Variants in ADGRD1 observed in about 807,000 individuals in gnomAD.
The protein encoded by ADGRD1 is G-protein coupled receptor 133.
Under a neutral mutation model 113.4 loss-of-function variants are expected in ADGRD1, and 77 were observed. The ratio of observed to expected loss-of-function variants is 0.68; its 90% CI spans 0.57 to 0.82. The LOEUF (loss-of-function observed/expected upper bound fraction) is 0.82. Among genes scored for constraint, ADGRD1 ranks in the 40% least tolerant of loss-of-function variants. The pLI is 0.00. For missense variants in ADGRD1, 1,036 were observed against 1,139.1 expected, an observed-to-expected ratio of 0.91 and a Z score of 1.30; for synonymous variants, 474 against 475.0, an observed-to-expected ratio of 1.00 and a Z score of 0.03.
Position 131,117,801 on chromosome 12 carries a change from T to G in ADGRD1, c.2042-584T>G, listed in dbSNP as rs550814674. 1.6e-4 allele frequency among the ~76,000 whole-genome samples: 25 copies of G among 152,358 alleles called. 1 individual carries two copies. The South Asian group carries it at 5.2e-3, about 32-fold the overall frequency. ...TGTGTGCATGGCAAAGTCAGCCATG[T>G]CCGATGTCCCCTCAGTCCCAGCTGA... On this transcript the variant is annotated intron_variant, in intron 18 of 24. Transcript: ENST00000261654.
intron 13 of ADGRD1, among the ~76,000 whole-genome samples, chr12:131,031,747 A>G (rs1555250172): frequency 6.6e-6 from 1 of 152,094 alleles, no homozygotes; most frequent in Non-Finnish European, 1.5e-5. Context: ...CTGGGTGTCA[A>G]CACCTTGTCT....
At chr12:131,099,108 G>A (rs980145977) in intron 15 of ADGRD1, among the ~76,000 whole-genome samples, 27 of 152,228 alleles carry the variant, frequency 1.8e-4, no homozygotes, top group African/African-American at 6.5e-4. Flanking sequence ...ATCCTCTGTC[G>A]GGCCCCGGGG....
In ADGRD1 at chr12:130,971,046, C is replaced by T. The variant is rs76660057; in HGVS notation, c.188-412C>T. The T allele has an allele frequency of 5.9e-3, 910 of 154,106 alleles. 7 individuals carry two copies. The highest frequency in any genetic ancestry group is 9.0e-3 in the Non-Finnish European group (622 of 69,428). The allele number at this position is 154,106 out of a possible 1,614,324, so 9.5% of individuals were successfully genotyped here. ...AGTGGGGAGGGCTCGAAAAGCAGGT[C>T]GGCACAAAGTCCAGGACAGGAGGCG... On this transcript the variant is annotated intron_variant, in intron 3 of 24. Coordinates refer to ENST00000261654, the MANE Select transcript of ADGRD1 (RefSeq NM_198827.5). This position sits in a 1 kb window ranked among gnomAD's most constrained non-coding sequence, Gnocchi z 4.2.
At chr12:130,959,440 G>A (rs1392851124) in intron 2 of ADGRD1, among the ~76,000 whole-genome samples, 1 of 152,150 alleles carries the variant, frequency 6.6e-6, no homozygotes, top group Non-Finnish European at 1.5e-5. Context: ...GCATGGTGGT[G>A]CATGCCTCTA....
chr12:131,026,129 C>T (rs1034726966), intron 13 of ADGRD1: 1 of 152,328 alleles, frequency 6.6e-6, no homozygotes, highest in Non-Finnish European at 1.5e-5. Context: ...CTGTGCTTCT[C>T]CCCTGCTGGG....
chr12:131,114,053 C>T (rs1950407044), intron 18 of ADGRD1, among the ~76,000 whole-genome samples: 3 of 152,122 alleles, frequency 2.0e-5, no homozygotes, highest in Admixed American at 6.5e-5. Flanking sequence ...GCTGGGTGAA[C>T]GAAAAGTGTC....
intron 13 of ADGRD1, among the ~76,000 whole-genome samples, chr12:131,062,912 T>C (rs538335565): frequency 3.3e-5 from 5 of 152,230 alleles, no homozygotes; most frequent in South Asian, 4.1e-4. Flanking sequence ...TTGACAGCAT[T>C]TGGTATAGTT....
In ADGRD1 at chr12:130,954,544, A is replaced by G. The variant is rs772085405; in HGVS notation, c.66+13A>G. On this transcript the variant is annotated intron_variant, in intron 1 of 24. Coordinates refer to ENST00000261654, the MANE Select transcript of ADGRD1 (RefSeq NM_198827.5). The surrounding 1 kb of genome is among the most constrained non-coding windows in gnomAD (Gnocchi z 4.7). Reference sequence around the variant, plus strand: ...TTACAACTTTCAGGTAATGTCCCCAAGTGGCCAGGATGGCGACAGGCTTGG... The same window carrying G: ...TTACAACTTTCAGGTAATGTCCCCAGGTGGCCAGGATGGCGACAGGCTTGG... The G allele has an allele frequency of 7.4e-6, 12 of 1,612,776 alleles. No individual in the cohort carries two copies. The highest frequency in any genetic ancestry group is 4.2e-6 in the Non-Finnish European group (5 of 1,179,518).
chr12:131,105,717 G>T, intron 16 of ADGRD1, 37 bp from the exon 17 acceptor site: 1 of 1,530,512 alleles, frequency 6.5e-7, no homozygotes, highest in Non-Finnish European at 8.9e-7. Context: ...CTGGGTCGGC[G>T]CAGGGCCCAG....
intron 13 of ADGRD1, 62 bp from the exon 14 acceptor site, chr12:131,076,739 T>C (rs1885650575): frequency 7.1e-7 from 1 of 1,417,002 alleles, no homozygotes. Context: ...CTCACATCAG[T>C]GCTGAGAACC....
At chr12:131,039,038 T>C (rs11061301) in intron 13 of ADGRD1, among the ~76,000 whole-genome samples, 73,023 of 152,124 alleles carry the variant, frequency 0.48, 18,543 homozygotes, top group Non-Finnish European at 0.56. Context: ...CAGAGGGAAC[T>C]GCCTGCGGGA....
intron 18 of ADGRD1, among the ~76,000 whole-genome samples, chr12:131,118,157 A>G (rs912694477): frequency 1.6e-4 from 24 of 152,220 alleles, no homozygotes. Context: ...TCTAGTACAG[A>G]AGTGTGAACA....
chr12:130,991,165 T>G, intron 7 of ADGRD1, 87 bp downstream of exon 7: 1 of 1,022,832 alleles, frequency 9.8e-7, no homozygotes, highest in Non-Finnish European at 1.5e-6. Flanking sequence ...CCATTAGGTG[T>G]CTGGGCTCTC....
intron 15 of ADGRD1, among the ~76,000 whole-genome samples, chr12:131,092,441 TAGAC>T (rs1886972468): frequency 6.6e-6 from 1 of 152,174 alleles, no homozygotes; most frequent in African/African-American, 2.4e-5. Flanking sequence ...CCGATATTGA[TAGAC>T]AGTCCTGCCA....
chr12:131,108,671 G>T (rs563357365), intron 17 of ADGRD1, 53 bp from the exon 18 acceptor site: 19 of 1,612,746 alleles, frequency 1.2e-5, no homozygotes, highest in South Asian at 4.4e-5. Flanking sequence ...TCATAGCCAC[G>T]CCCAGGGCCC....
At chr12:131,013,065 C>T (rs1593038775) in intron 12 of ADGRD1, among the ~76,000 whole-genome samples, 1 of 152,156 alleles carries the variant, frequency 6.6e-6, no homozygotes, top group Non-Finnish European at 1.5e-5. Context: ...TCCTTGGGGT[C>T]GTGCCCAGTG....
At chr12:131,021,390 G>A (rs1435917988) in intron 13 of ADGRD1, among the ~76,000 whole-genome samples, 1 of 152,044 alleles carries the variant, frequency 6.6e-6, no homozygotes. Flanking sequence ...ACTTCGCGGC[G>A]GCCGGCCGGT....
At chr12:131,061,156 G>A (rs564701774) in intron 13 of ADGRD1, among the ~76,000 whole-genome samples, 5 of 152,140 alleles carry the variant, frequency 3.3e-5, no homozygotes, top group East Asian at 1.9e-4. Flanking sequence ...CAGGAGCCCC[G>A]CCCAGCCTCT....
chr12:131,052,097 A>G (rs1188163628), intron 13 of ADGRD1, among the ~76,000 whole-genome samples: 4 of 152,162 alleles, frequency 2.6e-5, no homozygotes, highest in African/African-American at 7.2e-5. Flanking sequence ...TGGGGCCTGC[A>G]CGGGACCCTC....
Sources: gnomAD v4.1 joint callset for allele counts (sites outside exome capture counted in the v4.1 genomes callset) on GRCh38, gnomAD v4.1.1 for gene constraint, Gnocchi (gnomAD v3.1) non-coding constraint, MANE v1.5 for transcripts, NCBI Gene and HGNC (gene_info 2026-07-23, HGNC 2026-07-21) for gene names.